The following CSMD3 variants were observed in gnomAD, a reference collection of about 807,000 sequenced individuals.
CSMD3 encodes CUB and sushi domain-containing protein 3.
Under a neutral mutation model 435.2 loss-of-function variants are expected in CSMD3, and 177 were observed. The ratio of observed to expected loss-of-function variants is 0.41; its 90% CI spans 0.36 to 0.46. The LOEUF is 0.46. Ranked by LOEUF, CSMD3 falls within the 20% of genes least tolerant of loss-of-function variation. The pLI, the probability that CSMD3 is intolerant of heterozygous loss-of-function variation, is 0.34. For synonymous variants in CSMD3, 1,656 were observed against 1,520.5 expected, an observed-to-expected ratio of 1.09 and a Z score of -2.07; for missense variants, 4,265 against 4,504.6, an observed-to-expected ratio of 0.95 and a Z score of 1.52.
At chr8:112,907,264 A>G (rs1195468375) in intron 10 of CSMD3, among the ~76,000 whole-genome samples, 2 of 151,548 alleles carry the variant, frequency 1.3e-5, no homozygotes, top group African/African-American at 4.8e-5. Context: ...AAGTAATTTT[A>G]TAAGAGCCAT....
chr8:112,583,987 T>G (rs1164549165), intron 23 of CSMD3, among the ~76,000 whole-genome samples: 4 of 151,800 alleles, frequency 2.6e-5, no homozygotes, highest in African/African-American at 9.7e-5. Flanking sequence ...TTCTCAGATG[T>G]TATTAAAATT....
intron 12 of CSMD3, among the ~76,000 whole-genome samples, chr8:112,804,899 G>A (rs1343375499): frequency 1.3e-5 from 2 of 151,948 alleles, no homozygotes; most frequent in Non-Finnish European, 2.9e-5. Flanking sequence ...TCTTGACCTC[G>A]TGATCTGCCC....
intron 10 of CSMD3, among the ~76,000 whole-genome samples, chr8:112,909,544 T>A (rs1012280214): frequency 6.6e-6 from 1 of 151,828 alleles, no homozygotes; most frequent in Non-Finnish European, 1.5e-5. Flanking sequence ...GTTGATACTT[T>A]TGACAAACTT....
chr8:112,614,643 T>C (rs1264936122), intron 22 of CSMD3, among the ~76,000 whole-genome samples: 1 of 152,038 alleles, frequency 6.6e-6, no homozygotes. Context: ...AGCTTTTTAT[T>C]TTTAGAATTT....
chr8:113,402,906 T>A (rs1465690862), intron 1 of CSMD3, among the ~76,000 whole-genome samples: 1 of 151,322 alleles, frequency 6.6e-6, no homozygotes, highest in African/African-American at 2.4e-5. Flanking sequence ...TTTTATAGTG[T>A]ACCTTTTTCA....
chr8:112,319,939 T>C lies in CSMD3; in HGVS notation c.7208A>G (p.Asn2403Ser), dbSNP rs1047903408. The stretch of plus-strand genomic sequence containing the variant: ...ATCATCTTCCGTCAAAATTTCAGCA[T>C]TGGGCACAGGTGGTGGAGGTTGGCA... ...RVCQPPPPVP[N>S]AEILTEDDEF... Residue 2403 changes from asparagine (N) to serine (S), a missense_variant, in exon 46 of 71, where the codon AAT (asparagine) becomes AGT (serine). This residue lies in a region of CSMD3 where 3,255 missense variants were observed against 3,380.2 expected (regional missense o/e 0.96). Coordinates refer to ENST00000297405, the MANE Select transcript of CSMD3 (RefSeq NM_198123.2). 1.2e-6 allele frequency: 2 copies of C among 1,613,128 alleles called. No individual in the cohort carries two copies. The highest frequency in any genetic ancestry group is 2.2e-5 in the East Asian group (1 of 44,818).
chr8:112,417,783 T>C (rs969512250), intron 32 of CSMD3, among the ~76,000 whole-genome samples: 1 of 152,152 alleles, frequency 6.6e-6, no homozygotes, highest in Admixed American at 6.5e-5. Flanking sequence ...CTACCTTTGT[T>C]TTTGTTTACT....
intron 12 of CSMD3, among the ~76,000 whole-genome samples, 155 bp downstream of exon 12, chr8:112,829,531 A>T (rs1360061866): frequency 6.6e-6 from 1 of 152,200 alleles, no homozygotes; most frequent in Non-Finnish European, 1.5e-5. Flanking sequence ...TTGAAGAAGC[A>T]CTAACAGATT....
intron 5 of CSMD3, among the ~76,000 whole-genome samples, chr8:113,057,169 T>C (rs2088378561): frequency 6.6e-6 from 1 of 152,194 alleles, no homozygotes; most frequent in South Asian, 2.1e-4. Context: ...CCCTCCCTAC[T>C]GCAGTTCACT....
chr8:112,593,482 T>C (rs1831378534), intron 22 of CSMD3, among the ~76,000 whole-genome samples: 1 of 152,154 alleles, frequency 6.6e-6, no homozygotes, highest in South Asian at 2.1e-4. Context: ...TGCTGATGAA[T>C]GTATTTTTGC....
At chr8:113,383,510 CA>C (rs1307804015) in intron 1 of CSMD3, among the ~76,000 whole-genome samples, 4 of 152,044 alleles carry the variant, frequency 2.6e-5, no homozygotes, top group African/African-American at 9.7e-5. Context: ...AAAAAGCAGA[CA>C]CATCTGGTCT....
intron 3 of CSMD3, among the ~76,000 whole-genome samples, chr8:113,199,654 C>G (rs1221397161): frequency 2.6e-5 from 4 of 151,070 alleles, no homozygotes; most frequent in African/African-American, 9.7e-5. Flanking sequence ...AAATAGAGGC[C>G]CAAAGACATT....
intron 32 of CSMD3, among the ~76,000 whole-genome samples, chr8:112,413,426 T>C (rs1311002035): frequency 1.3e-5 from 2 of 152,206 alleles, no homozygotes; most frequent in Non-Finnish European, 1.5e-5. Flanking sequence ...CCTTTTTCCT[T>C]TGGTCACATT....
intron 38 of CSMD3, among the ~76,000 whole-genome samples, chr8:112,363,338 A>G (rs544409765): frequency 6.6e-6 from 1 of 152,026 alleles, no homozygotes; most frequent in Non-Finnish European, 1.5e-5. Context: ...TATTTTAGAT[A>G]AAAAGTATAC....
intron 59 of CSMD3, among the ~76,000 whole-genome samples, chr8:112,270,522 T>A (rs1437791712): frequency 6.6e-6 from 1 of 152,098 alleles, no homozygotes; most frequent in Non-Finnish European, 1.5e-5. Flanking sequence ...CCAAAGTTAC[T>A]TCACTGATCT....
chr8:112,521,671 T>A lies in CSMD3; in HGVS notation c.4565-4446A>T, dbSNP rs971899163. Among the ~76,000 whole-genome samples, 10 of 152,028 alleles carry A rather than the reference T, an allele frequency of 6.6e-5. No homozygotes were observed. In the South Asian group the frequency reaches 2.1e-3, roughly 32 times the overall value. Reference sequence around the variant, plus strand: ...TTTAGCTTGATGCCCCTGAAATTTGTATATCCAGCCTCAACTTTTTTCTGA... The same window carrying A: ...TTTAGCTTGATGCCCCTGAAATTTGAATATCCAGCCTCAACTTTTTTCTGA... On this transcript the variant is annotated intron_variant, in intron 27 of 70. Coordinates refer to ENST00000297405, the MANE Select transcript of CSMD3 (RefSeq NM_198123.2).
At chr8:112,914,434 G>T (rs772928953) in intron 10 of CSMD3, among the ~76,000 whole-genome samples, 8 of 151,648 alleles carry the variant, frequency 5.3e-5, no homozygotes, top group Non-Finnish European at 1.2e-4. Context: ...TCTGCCATGT[G>T]CCAGGCATTG....
chr8:112,229,165 T>C (rs910647102), intron 69 of CSMD3, among the ~76,000 whole-genome samples: 2 of 152,138 alleles, frequency 1.3e-5, no homozygotes, highest in Non-Finnish European at 2.9e-5. Flanking sequence ...ATGGAGTATA[T>C]AATAAGTGTG....
Position 112,564,501 on chromosome 8 carries a change from T to C in CSMD3, c.4043-7547A>G, listed in dbSNP as rs142547568. Among the ~76,000 whole-genome samples the C allele has an allele frequency of 2.6e-4, 40 of 151,942 alleles. No homozygotes were observed. In the East Asian group the frequency reaches 7.8e-3, roughly 30 times the overall value. ...GTAGCTAAGATTCAAAACAAGAAATTTGAGGCCTTGATGATTTTGGAAATG... is the reference window on the plus strand; with the variant it reads ...GTAGCTAAGATTCAAAACAAGAAATCTGAGGCCTTGATGATTTTGGAAATG... On this transcript the variant is annotated intron_variant, in intron 24 of 70. Coordinates refer to ENST00000297405, the MANE Select transcript of CSMD3 (RefSeq NM_198123.2).
Sources: allele counts gnomAD v4.1 joint callset (sites outside exome capture counted in the v4.1 genomes callset), GRCh38; gene constraint gnomAD v4.1.1; regional missense constraint gnomAD v4.1.1; transcripts MANE v1.5; gene names NCBI Gene and HGNC (gene_info 2026-07-23, HGNC 2026-07-21).